The following ZFHX3 variants were observed in gnomAD, a reference collection of about 807,000 sequenced individuals.
ZFHX3 encodes the protein zinc finger homeobox protein 3.
Under a neutral mutation model 279.1 loss-of-function variants are expected in ZFHX3, and 42 were observed. The observed-to-expected ratio is 0.15, with a 90% CI of 0.12 to 0.19. The LOEUF (loss-of-function observed/expected upper bound fraction) is 0.19. ZFHX3 is among the 10% of genes least tolerant of loss of function. The pLI is 1.00. For synonymous variants in ZFHX3, 2,293 were observed against 1,957.8 expected (o/e 1.17, Z -4.52); for missense variants, 4,981 against 4,754.0 (o/e 1.05, Z -1.40).
chr16:72,992,975 A>T (rs1165065031), intron 1 of ZFHX3, among the ~76,000 whole-genome samples: 2 of 152,212 alleles, frequency 1.3e-5, no homozygotes, highest in African/African-American at 4.8e-5. Context: ...CATCTCTACT[A>T]AAAATAGAAA....
chr16:72,897,303 G>A (rs1287721001), intron 3 of ZFHX3, among the ~76,000 whole-genome samples: 1 of 152,216 alleles, frequency 6.6e-6, no homozygotes, highest in Non-Finnish European at 1.5e-5. Flanking sequence ...TGGTGAGAGG[G>A]ATGGGGAGAA....
At chr16:73,027,777 G>T (rs549752773) in intron 1 of ZFHX3, among the ~76,000 whole-genome samples, 1 of 152,204 alleles carries the variant, frequency 6.6e-6, no homozygotes, top group South Asian at 2.1e-4. Context: ...CAGAAAGCAG[G>T]TTCCCTCACT....
intron 1 of ZFHX3, among the ~76,000 whole-genome samples, chr16:72,962,643 C>A (rs1961632718): frequency 6.6e-6 from 1 of 152,200 alleles, no homozygotes; most frequent in African/African-American, 2.4e-5. Flanking sequence ...ATTATCCTCT[C>A]CGGGGAGCTT....
chr16:73,057,245 CACA>C (rs1378474723), intron 1 of ZFHX3, among the ~76,000 whole-genome samples: 2 of 152,212 alleles, frequency 1.3e-5, no homozygotes, highest in African/African-American at 2.4e-5. Context: ...CAAAGAATAG[CACA>C]ACATTGAACA....
chr16:73,222,936 T>C (rs1018778307), intron 5 of ZFHX3, among the ~76,000 whole-genome samples: 1 of 152,070 alleles, frequency 6.6e-6, no homozygotes, highest in Non-Finnish European at 1.5e-5. Context: ...CAACTGATCT[T>C]TGAAAAAGAA....
chr16:73,339,723 C>T (rs2015992808), intron 3 of ZFHX3, among the ~76,000 whole-genome samples: 1 of 152,120 alleles, frequency 6.6e-6, no homozygotes. Context: ...GCAGGATGTT[C>T]TCCTGGTCAT....
At chr16:73,772,265 G>C (rs1457310037) in intron 1 of ZFHX3, among the ~76,000 whole-genome samples, 1 of 152,210 alleles carries the variant, frequency 6.6e-6, no homozygotes, top group African/African-American at 2.4e-5. Context: ...TGGACTCACA[G>C]TTCCACATGG....
At chr16:73,289,500 C>T (rs891882881) in intron 4 of ZFHX3, among the ~76,000 whole-genome samples, 1 of 152,042 alleles carries the variant, frequency 6.6e-6, no homozygotes, top group African/African-American at 2.4e-5. Context: ...AGATATGTAT[C>T]TCTAACAGGA....
At chr16:73,193,458 G>T (rs1005833386) in intron 5 of ZFHX3, among the ~76,000 whole-genome samples, 2 of 152,204 alleles carry the variant, frequency 1.3e-5, no homozygotes, top group African/African-American at 4.8e-5. Flanking sequence ...CTCTGCTGCT[G>T]CCCCTGGCAT....
chr16:73,730,539 G>C (rs368009613), intron 1 of ZFHX3, among the ~76,000 whole-genome samples: 1 of 151,990 alleles, frequency 6.6e-6, no homozygotes, highest in South Asian at 2.1e-4. Flanking sequence ...TGAGGAGAGC[G>C]GGCAAGTACC....
At chr16:73,301,093 T>G (rs1480792641) in intron 4 of ZFHX3, among the ~76,000 whole-genome samples, 1 of 152,202 alleles carries the variant, frequency 6.6e-6, no homozygotes, top group Non-Finnish European at 1.5e-5. Context: ...AGCTATCTTT[T>G]TCCAGAAGTC....
intron 1 of ZFHX3, among the ~76,000 whole-genome samples, chr16:73,880,362 T>G (rs1248279363): frequency 6.6e-6 from 1 of 152,106 alleles, no homozygotes; most frequent in Non-Finnish European, 1.5e-5. Context: ...GAAAAATAGG[T>G]CATCTTTAAA....
intron 1 of ZFHX3, among the ~76,000 whole-genome samples, chr16:73,779,413 G>C (rs1189031029): frequency 8.7e-6 from 1 of 114,938 alleles, no homozygotes. Flanking sequence ...GGAGGAGGTG[G>C]TGGTGTTTCA....
At chr16:73,139,288 T>C (rs1240183428) in intron 6 of ZFHX3, among the ~76,000 whole-genome samples, 4 of 152,172 alleles carry the variant, frequency 2.6e-5, no homozygotes, top group African/African-American at 9.7e-5. Context: ...TGACATGGTA[T>C]ATTGTTGCAG....
chr16:73,044,518 G>T (rs1707435795), intron 1 of ZFHX3, among the ~76,000 whole-genome samples: 1 of 152,234 alleles, frequency 6.6e-6, no homozygotes, highest in Non-Finnish European at 1.5e-5. Flanking sequence ...AGTTTGTTCA[G>T]ACCAGAATCA....
At chr16:72,904,574 T>C (rs2039124405) in intron 3 of ZFHX3, among the ~76,000 whole-genome samples, 1 of 152,096 alleles carries the variant, frequency 6.6e-6, no homozygotes, top group East Asian at 1.9e-4. Context: ...CCATTCCACT[T>C]GCAATTAGAC....
intron 2 of ZFHX3, among the ~76,000 whole-genome samples, chr16:73,472,400 G>A (rs1382956871): frequency 6.6e-6 from 1 of 152,116 alleles, no homozygotes; most frequent in East Asian, 1.9e-4. Context: ...GTACTGGCAG[G>A]CTGTTGCCCA....
chr16:73,867,922 C>G (rs1461159203), intron 1 of ZFHX3, among the ~76,000 whole-genome samples: 5 of 152,166 alleles, frequency 3.3e-5, no homozygotes, highest in Non-Finnish European at 7.3e-5. Context: ...ACAGTGAGAA[C>G]ATGGTGAGTC....
chr16:73,133,425 G>A (rs1408372158), intron 6 of ZFHX3, among the ~76,000 whole-genome samples: 2 of 152,252 alleles, frequency 1.3e-5, no homozygotes, highest in South Asian at 2.1e-4. Context: ...GGGAGGCTGA[G>A]GCGGGAGAAT....
Sources: allele counts gnomAD v4.1 joint callset (sites outside exome capture counted in the v4.1 genomes callset), GRCh38; gene constraint gnomAD v4.1.1; transcripts MANE v1.5; gene names NCBI Gene and HGNC (gene_info 2026-07-23, HGNC 2026-07-21).